SAMD4A: variants seen among roughly 807,000 people sequenced by gnomAD.
SAMD4A encodes sterile alpha motif domain containing 4A.
SAMD4A carries 33 observed loss-of-function variants against 81.3 expected under a neutral mutation model. The ratio of observed to expected loss-of-function variants is 0.41; its 90% CI spans 0.31 to 0.54. The LOEUF is 0.54. Among genes scored for constraint, SAMD4A ranks in the 20% least tolerant of loss-of-function variants. The pLI is 0.37. For synonymous variants in SAMD4A, 389 were observed against 382.1 expected, an observed-to-expected ratio of 1.02 and a Z score of -0.21; for missense variants, 854 against 951.1, an observed-to-expected ratio of 0.90 and a Z score of 1.34.
chr14:54,726,769 T>TC (rs1299311535), intron 3 of SAMD4A, among the ~76,000 whole-genome samples: 1 of 152,122 alleles, frequency 6.6e-6, no homozygotes, highest in East Asian at 1.9e-4. Context: ...ATCGGGGTTT[T>TC]TTTTTTAAAA....
intron 2 of SAMD4A, among the ~76,000 whole-genome samples, chr14:54,622,585 C>A (rs2034644191): frequency 6.6e-6 from 1 of 152,208 alleles, no homozygotes; most frequent in South Asian, 2.1e-4. Flanking sequence ...TGATTTGTTC[C>A]TGAGTGTGAA....
intron 11 of SAMD4A, among the ~76,000 whole-genome samples, chr14:54,783,086 C>T (rs142254026): frequency 2.6e-5 from 4 of 152,184 alleles, no homozygotes; most frequent in African/African-American, 9.6e-5. Flanking sequence ...GTGGACACCC[C>T]CTCTGGGACT....
At chr14:54,593,450 G>A (rs559369556) in intron 2 of SAMD4A, among the ~76,000 whole-genome samples, 1 of 152,206 alleles carries the variant, frequency 6.6e-6, no homozygotes, top group East Asian at 1.9e-4. Context: ...TACAACAACA[G>A]GTTTTTCTAT....
At chr14:54,568,735 ATATAT>A (rs1566524869) in intron 2 of SAMD4A, among the ~76,000 whole-genome samples, 14 of 106,750 alleles carry the variant, frequency 1.3e-4, no homozygotes, top group South Asian at 3.0e-4. Context: ...ATATATATAT[ATATAT>A]AATGCGGTTA....
chr14:54,634,599 G>A (rs1468821414), intron 2 of SAMD4A, among the ~76,000 whole-genome samples: 1 of 152,108 alleles, frequency 6.6e-6, no homozygotes, highest in Admixed American at 6.6e-5. Flanking sequence ...ACAGGAGGCA[G>A]AGCTCAGGTG....
intron 2 of SAMD4A, among the ~76,000 whole-genome samples, chr14:54,636,998 AT>A (rs2035049420): frequency 6.6e-6 from 1 of 152,154 alleles, no homozygotes. Flanking sequence ...ATGGAACTGC[AT>A]GAGCTCACCA....
chr14:54,572,843 A>T (rs1465292888), intron 2 of SAMD4A, among the ~76,000 whole-genome samples: 1 of 152,208 alleles, frequency 6.6e-6, no homozygotes, highest in African/African-American at 2.4e-5. Context: ...ATTGATATGA[A>T]TAATATTTTT....
intron 3 of SAMD4A, among the ~76,000 whole-genome samples, chr14:54,735,753 C>T (rs1189595602): frequency 2.0e-5 from 3 of 152,166 alleles, no homozygotes; most frequent in Non-Finnish European, 2.9e-5. Context: ...AGTAATCTGC[C>T]CAGGCCTTTA....
At chr14:54,669,604 G>A (rs139122525) in intron 2 of SAMD4A, among the ~76,000 whole-genome samples, 1 of 152,010 alleles carries the variant, frequency 6.6e-6, no homozygotes, top group East Asian at 1.9e-4. Flanking sequence ...GACCACAGGC[G>A]TGCACCACTA....
In SAMD4A at chr14:54,655,630, C is replaced by T. The variant is rs546048926; in HGVS notation, c.197-46432C>T. 3.3e-5 allele frequency among the ~76,000 whole-genome samples: 5 copies of T among 151,920 alleles called. 1 individual carries two copies. The highest frequency in any genetic ancestry group is 6.6e-5 in the Admixed American group (1 of 15,254). On this transcript the variant is annotated intron_variant, in intron 2 of 12. Transcript: ENST00000554335. ...GCGCATACCTGTAATCTCAGCTACT[C>T]GGGAGGCTGAGGCAGGAGAATCCCT...
At chr14:54,720,184 G>A (rs2037225046) in intron 3 of SAMD4A, among the ~76,000 whole-genome samples, 1 of 151,876 alleles carries the variant, frequency 6.6e-6, no homozygotes. Context: ...GTTCTTTTTT[G>A]TCTTTTTAAG....
chr14:54,626,455 G>C lies in SAMD4A; in HGVS notation c.196+58343G>C, dbSNP rs534922191. 5.3e-5 allele frequency among the ~76,000 whole-genome samples: 8 copies of C among 152,266 alleles called. No homozygotes were observed. In the East Asian group the frequency reaches 1.4e-3, roughly 26 times the overall value. On this transcript the variant is annotated intron_variant, in intron 2 of 12. Transcript: ENST00000554335. ...CTTCTTATCTCTTGCACAACAGTGAGTGTTCTCATTATAAAGGTGCCATTC... is the reference window on the plus strand; with the variant it reads ...CTTCTTATCTCTTGCACAACAGTGACTGTTCTCATTATAAAGGTGCCATTC...
At chr14:54,728,827 G>A (rs1312526614) in intron 3 of SAMD4A, among the ~76,000 whole-genome samples, 1 of 152,184 alleles carries the variant, frequency 6.6e-6, no homozygotes, top group Non-Finnish European at 1.5e-5. Flanking sequence ...AGAAATCCTA[G>A]TCATGCATGT....
At chr14:54,723,874 A>G (rs897980020) in intron 3 of SAMD4A, among the ~76,000 whole-genome samples, 6 of 152,188 alleles carry the variant, frequency 3.9e-5, no homozygotes, top group South Asian at 2.1e-4. Flanking sequence ...GAAGTTAACA[A>G]TTAGCATTTT....
intron 8 of SAMD4A, among the ~76,000 whole-genome samples, chr14:54,768,660 G>A (rs531140547): frequency 5.3e-5 from 8 of 152,336 alleles, no homozygotes; most frequent in African/African-American, 1.9e-4. Flanking sequence ...AGAGGTACTC[G>A]TGTGTAGCTG....
chr14:54,687,473 A>C, intron 2 of SAMD4A: 1 of 414,958 alleles, frequency 2.4e-6, no homozygotes, highest in Admixed American at 3.0e-5. Flanking sequence ...CAGCCAAAAA[A>C]CAATATCTAG....
intron 5 of SAMD4A, among the ~76,000 whole-genome samples, chr14:54,749,235 C>G (rs561233846): frequency 1.6e-4 from 25 of 152,280 alleles, no homozygotes; most frequent in African/African-American, 6.0e-4. Context: ...GTGGATTTTC[C>G]TAGGAGAAGT....
At chr14:54,566,631 G>C (rs1262583955), upstream of SAMD4A, among the ~76,000 whole-genome samples, 6 of 151,680 alleles carry the variant, frequency 4.0e-5, no homozygotes. Context: ...GACCCCGGCC[G>C]TCCCCTCGCG....
At chr14:54,775,909 CAAG>C (rs1379363321) in intron 10 of SAMD4A, among the ~76,000 whole-genome samples, 1 of 150,700 alleles carries the variant, frequency 6.6e-6, no homozygotes, top group Non-Finnish European at 1.5e-5. Flanking sequence ...CAGATCAGTT[CAAG>C]AAGACGTCAC....
Sources: allele counts gnomAD v4.1 joint callset (sites outside exome capture counted in the v4.1 genomes callset), GRCh38; gene constraint gnomAD v4.1.1; transcripts MANE v1.5; gene names NCBI Gene and HGNC (gene_info 2026-07-23, HGNC 2026-07-21).